TASP1: variants seen among roughly 807,000 people sequenced by gnomAD.
TASP1 encodes the protein taspase 1.
TASP1 carries 16 observed loss-of-function variants against 56.6 expected under a neutral mutation model. The ratio of observed to expected loss-of-function variants is 0.28; its 90% confidence interval spans 0.19 to 0.43. The LOEUF (loss-of-function observed/expected upper bound fraction) is 0.43, where lower values mean the gene tolerates loss of function less well. TASP1 is among the 20% of genes least tolerant of loss of function. The pLI is 1.00. For synonymous variants in TASP1, 179 were observed against 184.2 expected, an observed-to-expected ratio of 0.97 and a Z score of 0.23; for missense variants, 393 against 511.6, an observed-to-expected ratio of 0.77 and a Z score of 2.24.
At chr20:13,289,029 G>A in the TASP1 span, among the ~76,000 whole-genome samples, 5 of 152,136 alleles carry the variant, frequency 3.3e-5, no homozygotes, top group Admixed American at 2.6e-4. Context: ...CTTGTGATCC[G>A]CCCGCCTCAG....
chr20:13,572,539 T>C (rs1348518797), intron 6 of TASP1, among the ~76,000 whole-genome samples: 1 of 151,638 alleles, frequency 6.6e-6, no homozygotes, highest in African/African-American at 2.4e-5. Context: ...TAAAAAAATA[T>C]GCCGGGTGTG....
intron 4 of TASP1, among the ~76,000 whole-genome samples, chr20:13,602,659 A>G (rs2048006673): frequency 6.6e-6 from 1 of 152,146 alleles, no homozygotes; most frequent in Non-Finnish European, 1.5e-5. Flanking sequence ...ATCAGGCATT[A>G]GATTCTTATA....
the TASP1 span, among the ~76,000 whole-genome samples, chr20:13,190,321 A>T: frequency 6.6e-6 from 1 of 152,196 alleles, no homozygotes; most frequent in Non-Finnish European, 1.5e-5. Context: ...AGACCACCTG[A>T]CTTCAAAATA....
chr20:13,439,020 G>C (rs58262164), intron 11 of TASP1, among the ~76,000 whole-genome samples: 305 of 152,312 alleles, frequency 2.0e-3, no homozygotes, highest in African/African-American at 7.0e-3. Context: ...GTGCTGGAGG[G>C]GATGTGGAGA....
the TASP1 span, among the ~76,000 whole-genome samples, chr20:13,280,543 C>T: frequency 2.0e-5 from 3 of 152,214 alleles, no homozygotes. Flanking sequence ...GAGAACTCAG[C>T]TCCACTCAGT....
chr20:13,175,514 G>T, the TASP1 span, among the ~76,000 whole-genome samples: 2 of 152,170 alleles, frequency 1.3e-5, no homozygotes, highest in Non-Finnish European at 2.9e-5. Flanking sequence ...CCAGTGAGAG[G>T]TGGGAAGTTA....
At chr20:13,624,438 A>C (rs2048817173) in intron 3 of TASP1, among the ~76,000 whole-genome samples, 1 of 152,150 alleles carries the variant, frequency 6.6e-6, no homozygotes, top group Non-Finnish European at 1.5e-5. Context: ...TATTTATAGG[A>C]CTTCATTCAT....
At chr20:13,498,684 C>A (rs986678359) in intron 10 of TASP1, among the ~76,000 whole-genome samples, 2 of 136,926 alleles carry the variant, frequency 1.5e-5, no homozygotes, top group African/African-American at 2.7e-5. Flanking sequence ...AAATGGCCAA[C>A]AAACATACCA....
At chr20:13,320,734 T>A in the TASP1 span, among the ~76,000 whole-genome samples, 1 of 152,184 alleles carries the variant, frequency 6.6e-6, no homozygotes, top group African/African-American at 2.4e-5. Context: ...TTCCATTTCA[T>A]GGTCTAAGAT....
intron 11 of TASP1, among the ~76,000 whole-genome samples, chr20:13,474,908 T>G (rs139075806): frequency 3.5e-4 from 53 of 152,318 alleles, no homozygotes; most frequent in South Asian, 6.2e-4. Context: ...ATTTTTTTCA[T>G]GTTTGTTGGC....
chr20:13,437,592 T>C (rs1220369718), intron 11 of TASP1, among the ~76,000 whole-genome samples: 2 of 152,194 alleles, frequency 1.3e-5, no homozygotes, highest in African/African-American at 4.8e-5. Flanking sequence ...GATGACATGA[T>C]TGTACATCTA....
the TASP1 span, among the ~76,000 whole-genome samples, chr20:13,121,991 T>A: frequency 1.3e-5 from 2 of 152,148 alleles, no homozygotes; most frequent in Non-Finnish European, 2.9e-5. Flanking sequence ...TCAAAGGAAG[T>A]TTTGTTTTAC....
chr20:13,118,333 C>A, the TASP1 span, among the ~76,000 whole-genome samples: 7 of 151,232 alleles, frequency 4.6e-5, no homozygotes, highest in African/African-American at 1.5e-4. Flanking sequence ...AGGTCAAATC[C>A]TGCCATTCTC....
the TASP1 span, among the ~76,000 whole-genome samples, chr20:13,163,213 C>T: frequency 1.2e-4 from 18 of 151,730 alleles, no homozygotes; most frequent in African/African-American, 3.6e-4. Context: ...ACTAAAAATA[C>T]AAAAATTAGC....
At chr20:13,366,175 T>C in the TASP1 span, among the ~76,000 whole-genome samples, 1 of 152,184 alleles carries the variant, frequency 6.6e-6, no homozygotes, top group Non-Finnish European at 1.5e-5. Flanking sequence ...AGTAGAGATG[T>C]CAAGTAGGTA....
intron 13 of TASP1, among the ~76,000 whole-genome samples, chr20:13,409,779 G>T (rs1022067330): frequency 6.6e-6 from 1 of 151,598 alleles, no homozygotes; most frequent in African/African-American, 2.4e-5. Context: ...ATCAAGTCAG[G>T]GTATTTGGGG....
intron 13 of TASP1, chr20:13,393,571 C>T (rs1307781336): frequency 4.6e-6 from 4 of 863,450 alleles, no homozygotes; most frequent in Non-Finnish European, 5.8e-6. Context: ...GCTGGCAATG[C>T]CCTCAACAAC....
intron 8 of TASP1, among the ~76,000 whole-genome samples, chr20:13,540,780 T>C (rs1245011598): frequency 6.6e-6 from 1 of 152,172 alleles, no homozygotes; most frequent in Non-Finnish European, 1.5e-5. Flanking sequence ...TATATTTTGA[T>C]AGGAGTATTG....
At chr20:13,288,275 T>C in the TASP1 span, among the ~76,000 whole-genome samples, 1 of 152,168 alleles carries the variant, frequency 6.6e-6, no homozygotes, top group Non-Finnish European at 1.5e-5. Flanking sequence ...GCTGTGCAAA[T>C]GTATGCATTC....
Sources: allele counts gnomAD v4.1 joint callset (sites outside exome capture counted in the v4.1 genomes callset), GRCh38; gene constraint gnomAD v4.1.1; transcripts MANE v1.5; gene names NCBI Gene and HGNC (gene_info 2026-07-23, HGNC 2026-07-21).